The following JARID2 variants were observed in gnomAD, a reference collection of about 807,000 sequenced individuals.
The protein encoded by JARID2 is protein Jumonji.
A neutral mutation model predicts 125.6 loss-of-function variants in JARID2; 21 were observed. That is an observed-to-expected ratio of 0.17 (90% CI 0.12 to 0.24). The LOEUF (loss-of-function observed/expected upper bound fraction) is 0.24. Ranked by LOEUF, JARID2 falls within the 10% of genes least tolerant of loss-of-function variation. The probability of loss-of-function intolerance (pLI) is 1.00; values close to 1 mark genes in which losing one functional copy is unlikely to be tolerated. For missense variants in JARID2, 1,303 were observed against 1,639.6 expected (o/e 0.79, Z 3.55); for synonymous variants, 736 against 661.6 (o/e 1.11, Z -1.73).
intron 4 of JARID2, among the ~76,000 whole-genome samples, chr6:15,455,735 T>C (rs1768139597): frequency 6.6e-6 from 1 of 152,150 alleles, no homozygotes; most frequent in Non-Finnish European, 1.5e-5. Flanking sequence ...TTTCACCATG[T>C]TAGGCTGATC....
At chr6:15,464,461 T>C (rs912902805) in intron 4 of JARID2, among the ~76,000 whole-genome samples, 5 of 152,158 alleles carry the variant, frequency 3.3e-5, no homozygotes, top group African/African-American at 1.2e-4. Flanking sequence ...CAGTTGTTCA[T>C]GAGTGCTCCC....
At chr6:15,315,142 A>C (rs1762137384) in intron 1 of JARID2, 1 of 152,248 alleles carries the variant, frequency 6.6e-6, no homozygotes, top group African/African-American at 2.4e-5. Flanking sequence ...CATACTAAAT[A>C]ATACGTATAT....
chr6:15,288,440 C>A (rs372368973), intron 1 of JARID2, among the ~76,000 whole-genome samples: 11 of 152,358 alleles, frequency 7.2e-5, no homozygotes, highest in African/African-American at 2.2e-4. Flanking sequence ...CTGCCAGGCC[C>A]TGTCCCCCAA....
At chr6:15,453,435 T>A (rs1768009857) in intron 4 of JARID2, among the ~76,000 whole-genome samples, 1 of 152,258 alleles carries the variant, frequency 6.6e-6, no homozygotes, top group African/African-American at 2.4e-5. Flanking sequence ...AGGGAAGTGA[T>A]TCCTCCTCCT....
At chr6:15,317,399 G>T (rs750341295) in intron 1 of JARID2, among the ~76,000 whole-genome samples, 1 of 152,166 alleles carries the variant, frequency 6.6e-6, no homozygotes, top group Non-Finnish European at 1.5e-5. Flanking sequence ...TGATGCATAG[G>T]TTTGCAGGTA....
At chr6:15,439,370 G>A (rs1248726363) in intron 3 of JARID2, among the ~76,000 whole-genome samples, 5 of 152,032 alleles carry the variant, frequency 3.3e-5, no homozygotes, top group South Asian at 2.1e-4. Flanking sequence ...TTATTCTCCC[G>A]TTTCTTTCAC....
chr6:15,433,986 G>T (rs2127604822), intron 3 of JARID2, among the ~76,000 whole-genome samples: 1 of 148,338 alleles, frequency 6.7e-6, no homozygotes, highest in East Asian at 2.1e-4. Context: ...AGTAGAATAG[G>T]GTTGAGAATA....
chr6:15,456,892 T>TTC (rs1768204001), intron 4 of JARID2, among the ~76,000 whole-genome samples: 1 of 149,932 alleles, frequency 6.7e-6, no homozygotes, highest in South Asian at 2.1e-4. Flanking sequence ...TTTTTTTTTT[T>TTC]TTTTTTACAA....
chr6:15,351,371 G>A (rs969243921), intron 1 of JARID2, among the ~76,000 whole-genome samples: 13 of 152,208 alleles, frequency 8.5e-5, no homozygotes, highest in Admixed American at 1.3e-4. Flanking sequence ...TAGCTACCAG[G>A]TAGGGATTGC....
intron 1 of JARID2, among the ~76,000 whole-genome samples, chr6:15,299,850 G>A (rs964117730): frequency 3.3e-5 from 5 of 152,122 alleles, no homozygotes; most frequent in African/African-American, 1.2e-4. Context: ...AGTTTGACCT[G>A]GTTGCTTTGA....
chr6:15,391,232 G>A (rs1162283391), intron 2 of JARID2, among the ~76,000 whole-genome samples: 1 of 152,172 alleles, frequency 6.6e-6, no homozygotes, highest in African/African-American at 2.4e-5. Context: ...GCCCTGACAA[G>A]CATGGAAGGA....
rs1214927682 is a variant in JARID2 at position 15,356,095 on chromosome 6, CCT to C, written c.46-18021_46-18020del. On this transcript the variant is annotated intron_variant, in intron 1 of 17. Transcript: ENST00000341776. ...CTGCAATATGTGGCCTCTCTGCCTC[CCT>C]GTTTCCCTAGCTATGTTTTCAAGGT... Among the ~76,000 whole-genome samples, 10 of 152,310 alleles carry C rather than the reference CCT, an allele frequency of 6.6e-5. No homozygotes were observed. The East Asian group carries it at 1.9e-3, about 29-fold the overall frequency.
chr6:15,364,954 A>G (rs991874373), intron 1 of JARID2, among the ~76,000 whole-genome samples: 1 of 152,204 alleles, frequency 6.6e-6, no homozygotes, highest in Non-Finnish European at 1.5e-5. Context: ...TGGCTACTGT[A>G]TTAGACGGTG....
At chr6:15,326,778 G>A (rs549359348) in intron 1 of JARID2, among the ~76,000 whole-genome samples, 1 of 152,358 alleles carries the variant, frequency 6.6e-6, no homozygotes, top group South Asian at 2.1e-4. Context: ...TGGGATAATA[G>A]GCGTCAGCCA....
intron 3 of JARID2, among the ~76,000 whole-genome samples, chr6:15,432,325 G>A (rs1199743856): frequency 1.3e-5 from 2 of 152,248 alleles, no homozygotes; most frequent in Non-Finnish European, 2.9e-5. Context: ...CTACTCGGTA[G>A]GCTGAGGCTG....
chr6:15,264,392 C>T (rs1169055836), intron 1 of JARID2, among the ~76,000 whole-genome samples: 2 of 152,090 alleles, frequency 1.3e-5, no homozygotes, highest in Non-Finnish European at 2.9e-5. Flanking sequence ...TGCTCAAGGT[C>T]ATTGTCAAAA....
In JARID2 at chr6:15,498,788, T is replaced by C. The variant is rs1400613410; in HGVS notation, c.1945+1618T>C. ...GGGAATAGCACGTGATAGGAAGCAG[T>C]GCAGGGAGCAGGCTCTGCACACGCG... On this transcript the variant is annotated intron_variant, in intron 7 of 17. Transcript: ENST00000341776. Among the ~76,000 whole-genome samples the C allele has an allele frequency of 2.0e-5, 3 of 152,344 alleles. No homozygotes were observed. In the East Asian group the frequency reaches 5.8e-4, roughly 29 times the overall value.
intron 2 of JARID2, among the ~76,000 whole-genome samples, chr6:15,395,939 A>G (rs547819209): frequency 6.6e-6 from 1 of 152,340 alleles, no homozygotes; most frequent in South Asian, 2.1e-4. Flanking sequence ...CTGGGATTAC[A>G]GGCTTGAGCC....
chr6:15,405,162 G>C (rs1765598238), intron 2 of JARID2, among the ~76,000 whole-genome samples: 2 of 152,182 alleles, frequency 1.3e-5, no homozygotes, highest in Non-Finnish European at 1.5e-5. Flanking sequence ...CCATACACTA[G>C]TGTCTCCAGT....
Sources: gnomAD v4.1 joint callset for allele counts (sites outside exome capture counted in the v4.1 genomes callset) on GRCh38, gnomAD v4.1.1 for gene constraint, MANE v1.5 for transcripts, NCBI Gene and HGNC (gene_info 2026-07-23, HGNC 2026-07-21) for gene names.